The following NEXMIF variants were observed in gnomAD, a reference collection of about 807,000 sequenced individuals.
The protein encoded by NEXMIF is XLMR protein related to neurite extension.
Under a neutral mutation model 62.1 loss-of-function variants are expected in NEXMIF, and 8 were observed. The observed-to-expected ratio is 0.13, with a 90% confidence interval of 0.08 to 0.23. The LOEUF (loss-of-function observed/expected upper bound fraction) is 0.23. NEXMIF is among the 10% of genes least tolerant of loss of function. The pLI is 1.00. For synonymous variants in NEXMIF, 404 were observed against 416.6 expected (o/e 0.97, Z 0.37); for missense variants, 976 against 1,113.3 (o/e 0.88, Z 1.75).
rs373566578 is a variant in NEXMIF, at chrX:74,741,708, T to A, written c.2849A>T (p.Tyr950Phe). The A allele has an allele frequency of 9.4e-5, 114 of 1,209,969 alleles. No individual in the cohort carries two copies. Among genetic ancestry groups the A allele is most frequent in the Non-Finnish European group, 1.2e-4 (108 of 895,049 alleles). ...GAGTTGGGTATCTTGCATGGAGTCATACAGGACCTTGTTGCAATTACTGCC... is the reference window on the plus strand; with the variant it reads ...GAGTTGGGTATCTTGCATGGAGTCAAACAGGACCTTGTTGCAATTACTGCC... ...SGGSNCNKVL[Y>F]DSMQDTQLPS... The change falls in exon 3 of 4, where the codon TAT (tyrosine) becomes TTT (phenylalanine). Residue 950 changes from tyrosine to phenylalanine, a missense_variant. Physicochemically the swap from Tyr to Phe is conservative, Grantham distance 22. This residue lies in a region of NEXMIF where 639 missense variants were observed against 694.5 expected (regional missense o/e 0.92). Transcript: ENST00000055682.
At position 74,741,678 on chromosome X, in the gene NEXMIF, G is replaced by A; in HGVS notation, c.2879C>T (p.Ser960Phe). 1 of 1,211,947 alleles carries A rather than the reference G, an allele frequency of 8.3e-7. No homozygotes were observed. Among genetic ancestry groups the A allele is most frequent in the Non-Finnish European group, 1.1e-6 (1 of 895,446 alleles). Residue 960 changes from serine (S) to phenylalanine (F), a missense_variant, in exon 3 of 4, where the codon TCT (serine) becomes TTT (phenylalanine). Ser to Phe is a radical substitution (Grantham distance 155). Coordinates refer to ENST00000055682, the MANE Select transcript of NEXMIF (RefSeq NM_001008537.3). ...YDSMQDTQLP[S>F]DDSYQLCHFN... ...GTGACATAATTGGTAAGAGTCATCAGATGGGAGTTGGGTATCTTGCATGGA... is the reference window on the plus strand; with the variant it reads ...GTGACATAATTGGTAAGAGTCATCAAATGGGAGTTGGGTATCTTGCATGGA...
intron 1 of NEXMIF, among the ~76,000 whole-genome samples, chrX:74,787,214 C>T (rs963308546): frequency 4.7e-5 from 5 of 106,156 alleles, no homozygotes; most frequent in Admixed American, 3.1e-4. Flanking sequence ...ACCCAGGAGG[C>T]GGAGGTTGTG....
chrX:74,875,000 C>G (rs1349472243), intron 1 of NEXMIF, among the ~76,000 whole-genome samples: 1 of 111,222 alleles, frequency 9.0e-6, no homozygotes, highest in African/African-American at 3.3e-5. Flanking sequence ...TCTCCTGCCT[C>G]ATTGCCCTGG....
chrX:74,887,469 A>G (rs1451705836), intron 1 of NEXMIF, among the ~76,000 whole-genome samples: 1 of 112,108 alleles, frequency 8.9e-6, no homozygotes, highest in African/African-American at 3.2e-5. Flanking sequence ...AAACAACCCC[A>G]TCAAAAAGTG....
At chrX:74,803,354 T>A (rs1436163905) in intron 1 of NEXMIF, among the ~76,000 whole-genome samples, 1 of 110,899 alleles carries the variant, frequency 9.0e-6, no homozygotes, top group East Asian at 2.8e-4. Context: ...ATCGAGACCA[T>A]CCTGGCTAAC....
At chrX:74,775,260 T>A (rs891653496) in intron 1 of NEXMIF, among the ~76,000 whole-genome samples, 8 of 112,165 alleles carry the variant, frequency 7.1e-5, no homozygotes, top group African/African-American at 2.6e-4. Flanking sequence ...CCAGCATATT[T>A]ACAACAATTC....
intron 1 of NEXMIF, among the ~76,000 whole-genome samples, chrX:74,746,916 A>G (rs891957840): frequency 8.9e-6 from 1 of 112,729 alleles, no homozygotes; most frequent in Non-Finnish European, 1.9e-5. Flanking sequence ...GAGAAAATAT[A>G]TGCTTACTTG....
At chrX:74,910,530 A>G (rs890837495) in intron 1 of NEXMIF, among the ~76,000 whole-genome samples, 2 of 111,576 alleles carry the variant, frequency 1.8e-5, no homozygotes, top group Admixed American at 1.9e-4. Flanking sequence ...GTCTTAGATG[A>G]GGCTTTGGAC....
chrX:74,838,475 C>A (rs1261344613), intron 1 of NEXMIF, among the ~76,000 whole-genome samples: 1 of 111,985 alleles, frequency 8.9e-6, no homozygotes, highest in East Asian at 2.8e-4. Flanking sequence ...ACAATAATAT[C>A]TTTTGATTAC....
At chrX:74,880,188 C>T (rs183424412) in intron 1 of NEXMIF, among the ~76,000 whole-genome samples, 18 of 111,977 alleles carry the variant, frequency 1.6e-4, no homozygotes, top group African/African-American at 5.2e-4. Flanking sequence ...CATCACCTTA[C>T]GTTACACTTA....
At chrX:74,822,452 C>A (rs73216278) in intron 1 of NEXMIF, among the ~76,000 whole-genome samples, 106 of 111,724 alleles carry the variant, frequency 9.5e-4, no homozygotes, top group Non-Finnish European at 4.9e-4. Flanking sequence ...AATGGAGAAA[C>A]AACTCACAGA....
intron 1 of NEXMIF, among the ~76,000 whole-genome samples, chrX:74,901,026 A>T (rs2153984): frequency 0.13 from 14,337 of 110,877 alleles, 1,568 homozygotes; most frequent in East Asian, 0.9. Context: ...GCTGTTGTTT[A>T]ATGGGTACAG....
chrX:74,866,357 A>G (rs1429353698), intron 1 of NEXMIF, among the ~76,000 whole-genome samples: 1 of 111,859 alleles, frequency 8.9e-6, no homozygotes, highest in African/African-American at 3.2e-5. Context: ...GTATTTGCCC[A>G]ATGCCTGCAC....
rs370605675 is a variant in NEXMIF at position 74,866,358 on chromosome X, A to G, written c.-48+58525T>C. On this transcript the variant is annotated intron_variant, in intron 1 of 3. Coordinates refer to ENST00000055682, the MANE Select transcript of NEXMIF (RefSeq NM_001008537.3). ...CATTTGGAAGGGGTGTATTTGCCCA[A>G]TGCCTGCACACCCATTGTATCTAGG... 8.0e-5 allele frequency among the ~76,000 whole-genome samples: 9 copies of G among 112,006 alleles called. No individual in the cohort carries two copies. In the East Asian group the frequency reaches 2.5e-3, roughly 32 times the overall value.
At chrX:74,838,756 C>T (rs995680154) in intron 1 of NEXMIF, among the ~76,000 whole-genome samples, 1 of 111,958 alleles carries the variant, frequency 8.9e-6, no homozygotes, top group Non-Finnish European at 1.9e-5. Flanking sequence ...CTGCACCCTA[C>T]CATCCCCAGT....
chrX:74,754,312 ATTT>A (rs576345364), intron 1 of NEXMIF, among the ~76,000 whole-genome samples: 1 of 80,586 alleles, frequency 1.2e-5, no homozygotes. Context: ...TTATTTTTTT[ATTT>A]TTTTTTTTTG....
Position 74,741,516 on chromosome X carries a change from C to G in NEXMIF, c.3041G>C (p.Cys1014Ser). Residue 1014 changes from cysteine (C) to serine (S), a missense_variant, in exon 3 of 4, where the codon TGT (cysteine) becomes TCT (serine). By Grantham distance (112) the Cys-to-Ser change is moderately radical. This residue lies in a region of NEXMIF where 639 missense variants were observed against 694.5 expected (regional missense o/e 0.92). Coordinates refer to ENST00000055682, the MANE Select transcript of NEXMIF (RefSeq NM_001008537.3). Reference sequence around the variant, plus strand: ...GATATCATCATCGCCATCCTTTTCACAGGACTTCAAGCTTAAGGAGCAATA... The same window carrying G: ...GATATCATCATCGCCATCCTTTTCAGAGGACTTCAAGCTTAAGGAGCAATA... ...SNYCSLSLKSCEKDGDDDITD... is the reference protein window; with the variant it reads ...SNYCSLSLKSSEKDGDDDITD... The G allele has an allele frequency of 8.3e-7, 1 of 1,211,511 alleles. No homozygotes were observed. The highest frequency in any genetic ancestry group is 1.1e-6 in the Non-Finnish European group (1 of 895,363).
At chrX:74,761,815 T>C in intron 1 of NEXMIF, among the ~76,000 whole-genome samples, 1 of 111,228 alleles carries the variant, frequency 9.0e-6, no homozygotes, top group Non-Finnish European at 1.9e-5. Context: ...TTGTGGTGTC[T>C]AATTTGAGAT....
intron 1 of NEXMIF, among the ~76,000 whole-genome samples, chrX:74,794,261 G>T (rs1331273230): frequency 9.2e-6 from 1 of 108,228 alleles, no homozygotes. Flanking sequence ...TGCCCCTGCT[G>T]GGGGGTGCCT....
Sources: allele counts gnomAD v4.1 joint callset (sites outside exome capture counted in the v4.1 genomes callset), GRCh38; gene constraint gnomAD v4.1.1; regional missense constraint gnomAD v4.1.1; transcripts MANE v1.5; gene names NCBI Gene and HGNC (gene_info 2026-07-23, HGNC 2026-07-21).